CFDP1: variants seen among roughly 807,000 people sequenced by gnomAD.
CFDP1 encodes the protein heterochromatin-stabilizing protein CFDP1.
Under a neutral mutation model 40.1 loss-of-function variants are expected in CFDP1, and 31 were observed. The observed-to-expected ratio is 0.77, with a 90% CI of 0.58 to 1.04. The LOEUF (loss-of-function observed/expected upper bound fraction) is 1.04. Ranked by LOEUF, CFDP1 falls within the 50% of genes least tolerant of loss-of-function variation. CFDP1 has a pLI of 0.00. For missense variants in CFDP1, 423 were observed against 343.4 expected, an observed-to-expected ratio of 1.23 and a Z score of -1.83; for synonymous variants, 167 against 120.0, an observed-to-expected ratio of 1.39 and a Z score of -2.56.
chr16:75,384,325 C>T (rs2078875103), intron 5 of CFDP1, among the ~76,000 whole-genome samples: 1 of 152,136 alleles, frequency 6.6e-6, no homozygotes, highest in Admixed American at 6.5e-5. Context: ...AGCACCACTG[C>T]ACTCTAGCCT....
In CFDP1 at chr16:75,329,375, T is replaced by C. The variant is rs192471349; in HGVS notation, c.651-24193A>G. ...TGCCCCTGGCAAGTGGACCCAGGACTGAGTCAGGCAATTGTACAGTACATT... is the reference window on the plus strand; with the variant it reads ...TGCCCCTGGCAAGTGGACCCAGGACCGAGTCAGGCAATTGTACAGTACATT... On this transcript the variant is annotated intron_variant, in intron 5 of 6. Coordinates refer to ENST00000283882, the MANE Select transcript of CFDP1 (RefSeq NM_006324.3). Among the ~76,000 whole-genome samples the C allele has an allele frequency of 3.3e-5, 5 of 152,348 alleles. No homozygotes were observed. The East Asian group carries it at 9.6e-4, about 29-fold the overall frequency.
chr16:75,349,698 T>TACACAC lies in CFDP1; in HGVS notation c.651-44517_651-44516insGTGTGT, dbSNP rs59850763. On this transcript the variant is annotated intron_variant, in intron 5 of 6. Transcript: ENST00000283882. ...AAAAAAAAAAAAAAAAAAATATATA[T>TACACAC]ACATACATATATACGGTTGATTTTT... Among the ~76,000 whole-genome samples the TACACAC allele has an allele frequency of 7.1e-4, 34 of 47,900 alleles. 11 individuals carry two copies. Among genetic ancestry groups the TACACAC allele is most frequent in the African/African-American group, 3.7e-3 (34 of 9,172 alleles). 31.4% of individuals were successfully genotyped at this position (47,900 alleles called of 152,430 possible).
intron 4 of CFDP1, among the ~76,000 whole-genome samples, chr16:75,411,264 G>A (rs72787160): frequency 6.6e-6 from 1 of 151,736 alleles, no homozygotes; most frequent in Non-Finnish European, 1.5e-5. Context: ...AATTAGCTGG[G>A]TATGGTGGCG....
chr16:75,300,999 A>G (rs1038646257), intron 6 of CFDP1, among the ~76,000 whole-genome samples: 3 of 152,182 alleles, frequency 2.0e-5, no homozygotes, highest in African/African-American at 7.2e-5. Context: ...ATTCCTGAAG[A>G]GTGGGCAGGA....
intron 1 of CFDP1, among the ~76,000 whole-genome samples, chr16:75,427,526 C>T (rs1288291425): frequency 6.6e-6 from 1 of 152,158 alleles, no homozygotes; most frequent in Non-Finnish European, 1.5e-5. Flanking sequence ...GGTGGGAATA[C>T]AGGCATGAGC....
At chr16:75,416,564 C>T (rs1452498548) in intron 1 of CFDP1, among the ~76,000 whole-genome samples, 2 of 151,340 alleles carry the variant, frequency 1.3e-5, no homozygotes, top group East Asian at 3.9e-4. Flanking sequence ...AGTTGAAGAC[C>T]AGCCTGGGCA....
chr16:75,322,202 C>T (rs1235792004), intron 5 of CFDP1, among the ~76,000 whole-genome samples: 1 of 152,214 alleles, frequency 6.6e-6, no homozygotes, highest in African/African-American at 2.4e-5. Flanking sequence ...CTAGTCTTTA[C>T]ACAGGAATAT....
At chr16:75,418,842 A>C (rs1372836675) in intron 1 of CFDP1, among the ~76,000 whole-genome samples, 1 of 151,958 alleles carries the variant, frequency 6.6e-6, no homozygotes, top group Non-Finnish European at 1.5e-5. Flanking sequence ...AAAATAACAG[A>C]TCAAGGCCAG....
chr16:75,319,831 G>T (rs987954665), intron 5 of CFDP1, among the ~76,000 whole-genome samples: 1 of 152,190 alleles, frequency 6.6e-6, no homozygotes. Context: ...CAAGAATGGG[G>T]TTACTTAAGC....
At chr16:75,306,842 C>T (rs2078260403) in intron 5 of CFDP1, among the ~76,000 whole-genome samples, 1 of 151,946 alleles carries the variant, frequency 6.6e-6, no homozygotes, top group African/African-American at 2.4e-5. Flanking sequence ...GTTTTCCAGA[C>T]AACTCAACCC....
intron 5 of CFDP1, among the ~76,000 whole-genome samples, chr16:75,307,252 G>GT (rs2078265019): frequency 6.6e-6 from 1 of 151,584 alleles, no homozygotes; most frequent in Non-Finnish European, 1.5e-5. Flanking sequence ...TTTCTCTCTT[G>GT]TTGCCCAGGC....
At chr16:75,321,621 G>A (rs555820309) in intron 5 of CFDP1, among the ~76,000 whole-genome samples, 148 of 152,168 alleles carry the variant, frequency 9.7e-4, no homozygotes, top group Non-Finnish European at 5.9e-4. Context: ...AGTGATAAGC[G>A]GAAAAGAGGG....
At chr16:75,406,367 A>G (rs186430730) in intron 4 of CFDP1, among the ~76,000 whole-genome samples, 1 of 151,842 alleles carries the variant, frequency 6.6e-6, no homozygotes, top group African/African-American at 2.4e-5. Flanking sequence ...ACAGAGTGAG[A>G]CCCTGTCTCA....
intron 5 of CFDP1, among the ~76,000 whole-genome samples, chr16:75,381,554 C>G (rs1356294591): frequency 6.6e-6 from 1 of 152,132 alleles, no homozygotes; most frequent in African/African-American, 2.4e-5. Context: ...TATTCTCCCT[C>G]TACCAACGAC....
intron 5 of CFDP1, among the ~76,000 whole-genome samples, chr16:75,319,666 A>G (rs921567715): frequency 2.6e-5 from 4 of 152,190 alleles, no homozygotes; most frequent in Admixed American, 1.3e-4. Context: ...AATGAGGCTC[A>G]GATCCCAACC....
chr16:75,335,274 C>T (rs1231882665), intron 5 of CFDP1, among the ~76,000 whole-genome samples: 1 of 152,196 alleles, frequency 6.6e-6, no homozygotes, highest in African/African-American at 2.4e-5. Context: ...GATGTCTTGT[C>T]AGTGCCCCTT....
chr16:75,356,094 A>C (rs1422243907), intron 5 of CFDP1, among the ~76,000 whole-genome samples: 1 of 152,218 alleles, frequency 6.6e-6, no homozygotes, highest in Admixed American at 6.5e-5. Context: ...CATGAATCAC[A>C]AATGTTCTTA....
At chr16:75,404,072 C>T (rs1274464910) in intron 4 of CFDP1, among the ~76,000 whole-genome samples, 2 of 151,290 alleles carry the variant, frequency 1.3e-5, no homozygotes, top group Non-Finnish European at 2.9e-5. Context: ...GCGGAGGTTG[C>T]AGTGAGCTGA....
rs781180298 is a variant in CFDP1 at position 75,425,660 on chromosome 16, G to GA, written c.64+7628dup. On this transcript the variant is annotated intron_variant, in intron 1 of 6. Coordinates refer to ENST00000283882, the MANE Select transcript of CFDP1 (RefSeq NM_006324.3). ...AAATACTGGACATCCAGATGCAAAA[G>GA]AAAAAAAAAAAAAGAATCCATAACT... Among the ~76,000 whole-genome samples, 715 of 97,694 alleles carry GA rather than the reference G, an allele frequency of 7.3e-3. 1 individual carries two copies. The highest frequency in any genetic ancestry group is 0.014 in the Admixed American group (139 of 9,912). The allele number at this position is 97,694 out of a possible 152,430, so 64.1% of individuals were successfully genotyped here. A position where few individuals can be genotyped will look rare whatever the true frequency, so the allele number is the denominator to read the frequency against.
Sources: allele counts gnomAD v4.1 joint callset (sites outside exome capture counted in the v4.1 genomes callset), GRCh38; gene constraint gnomAD v4.1.1; transcripts MANE v1.5; gene names NCBI Gene and HGNC (gene_info 2026-07-23, HGNC 2026-07-21).